LITAF: variants seen among roughly 807,000 people sequenced by gnomAD.
The protein encoded by LITAF is lipopolysaccharide-induced tumor necrosis factor-alpha factor.
A neutral mutation model predicts 14.5 loss-of-function variants in LITAF; 9 were observed. That is an observed-to-expected ratio of 0.62 (90% CI 0.37 to 1.08). LITAF has a LOEUF of 1.08. Among genes scored for constraint, LITAF ranks in the 50% least tolerant of loss-of-function variants. The probability of loss-of-function intolerance (pLI) is 0.01; values close to 1 mark genes in which losing one functional copy is unlikely to be tolerated. For missense variants in LITAF, 206 were observed against 213.4 expected (o/e 0.97, Z 0.22); for synonymous variants, 98 against 88.2 (o/e 1.11, Z -0.62).
intron 2 of LITAF, among the ~76,000 whole-genome samples, chr16:11,555,938 C>T (rs1472295151): frequency 1.3e-5 from 2 of 152,146 alleles, no homozygotes; most frequent in East Asian, 1.9e-4. Context: ...GTCTGATTCA[C>T]GGGCCCCCTC....
intron 3 of LITAF, among the ~76,000 whole-genome samples, chr16:11,604,494 G>A (rs2064944287): frequency 6.6e-6 from 1 of 151,966 alleles, no homozygotes; most frequent in Non-Finnish European, 1.5e-5. Flanking sequence ...GCTGGATCCA[G>A]GAGCACAAAT....
intron 1 of LITAF, among the ~76,000 whole-genome samples, chr16:11,565,335 A>T (rs1447928462): frequency 6.6e-6 from 1 of 151,656 alleles, no homozygotes. Context: ...CACCTGCCTC[A>T]GCCGCCCAAA....
Position 11,630,090 on chromosome 16 carries a change from C to T in LITAF, c.85+3443G>A, listed in dbSNP as rs1216856378. On this transcript the variant is annotated intron_variant, in intron 3 of 3. Transcript: ENST00000574848. ...TTGCTCCTTCTCATCAAGTGCAAGG[C>T]GGGCACACAGGACCCCGGAAGAACG... 7.2e-5 allele frequency among the ~76,000 whole-genome samples: 11 copies of T among 152,140 alleles called. 1 individual carries two copies. The highest frequency in any genetic ancestry group is 5.2e-4 in the Admixed American group (8 of 15,264).
intron 3 of LITAF, among the ~76,000 whole-genome samples, chr16:11,630,202 C>T (rs1388686044): frequency 1.3e-5 from 2 of 152,168 alleles, no homozygotes; most frequent in Non-Finnish European, 2.9e-5. Context: ...GCTTCCCCAA[C>T]TTCCCCTCCT....
At chr16:11,565,649 C>T (rs1203662428) in intron 1 of LITAF, among the ~76,000 whole-genome samples, 6 of 151,960 alleles carry the variant, frequency 3.9e-5, no homozygotes, top group East Asian at 1.9e-4. Context: ...CTCCCTGCTC[C>T]GGGTTTGTGG....
chr16:11,611,511 C>A (rs1312138650), intron 3 of LITAF, among the ~76,000 whole-genome samples: 2 of 152,162 alleles, frequency 1.3e-5, no homozygotes, highest in Non-Finnish European at 2.9e-5. Context: ...TTTACTAAAT[C>A]TAGCAGCCTT....
At position 11,605,226 on chromosome 16, in the gene LITAF, C is replaced by T. The variant is rs1051368546; in HGVS notation, c.85+28307G>A. 1.3e-5 allele frequency among the ~76,000 whole-genome samples: 2 copies of T among 152,166 alleles called. No homozygotes were observed. Among genetic ancestry groups the T allele is most frequent in the Non-Finnish European group, 2.9e-5 (2 of 68,026 alleles). The stretch of plus-strand genomic sequence containing the variant: ...TCTGGATGGAGGATGAGCTGAATTA[C>T]GCACCGTGGACTTCACCAGTGGGGC... On this transcript the variant is annotated intron_variant, in intron 3 of 3. Coordinates refer to the LITAF transcript ENST00000574848. This position sits in a 1 kb window ranked among gnomAD's most constrained non-coding sequence, Gnocchi z 4.7.
At chr16:11,563,652 C>T (rs889588145) in intron 1 of LITAF, among the ~76,000 whole-genome samples, 1 of 152,050 alleles carries the variant, frequency 6.6e-6, no homozygotes, top group South Asian at 2.1e-4. Flanking sequence ...TGTCACTGGG[C>T]ACCTTGCAAT....
At position 11,553,319 on chromosome 16, in the gene LITAF, G is replaced by T. The variant is rs1246933481; in HGVS notation, c.377+214C>A. 3.6e-6 allele frequency: 2 copies of T among 559,748 alleles called. No homozygotes were observed. Among genetic ancestry groups the T allele is most frequent in the African/African-American group, 3.8e-5 (2 of 52,978 alleles). The allele number at this position is 559,748 out of a possible 1,614,324, so 34.7% of individuals were successfully genotyped here. A position where few individuals can be genotyped will look rare whatever the true frequency, so the allele number is the denominator to read the frequency against. On this transcript the variant is annotated intron_variant, in intron 3 of 3. Transcript: ENST00000622633. This position sits in a 1 kb window ranked among gnomAD's most constrained non-coding sequence, Gnocchi z 7.7. ...CCAGCTACACGGGACGCTAAGGCAG[G>T]AGAATCGTTTGAACCTGAGCAGTGG...
At chr16:11,569,984 C>T (rs1483028591) in intron 1 of LITAF, among the ~76,000 whole-genome samples, 1 of 150,704 alleles carries the variant, frequency 6.6e-6, no homozygotes, top group African/African-American at 2.5e-5. Context: ...TGAGACGAGA[C>T]GCACTGCTGC....
chr16:11,587,506 C>T (rs1178123585), upstream of LITAF: 3 of 452,370 alleles, frequency 6.6e-6, no homozygotes, highest in African/African-American at 2.0e-5. Context: ...GGCACAATAG[C>T]GGTCCTGTCT....
chr16:11,550,321 C>A (rs1276453154), intron 3 of LITAF, among the ~76,000 whole-genome samples: 2 of 152,122 alleles, frequency 1.3e-5, no homozygotes, highest in Non-Finnish European at 2.9e-5. Context: ...AACTCCTGAC[C>A]TCAAGTGATC....
intron 1 of LITAF, among the ~76,000 whole-genome samples, chr16:11,569,264 G>T (rs2064505013): frequency 2.0e-5 from 3 of 152,002 alleles, no homozygotes; most frequent in Admixed American, 2.0e-4. Context: ...TTTTTGAGAA[G>T]GAATCTCACT....
Position 11,594,654 on chromosome 16 carries a change from T to A in LITAF, c.-6+3734A>T, listed in dbSNP as rs2064870754. The stretch of plus-strand genomic sequence containing the variant: ...ACTTTAGGAGGCTGAGGCAGGTGGA[T>A]CGCTTGAGGCTAAGAGTTTGAGACC... On this transcript the variant is annotated intron_variant, in intron 1 of 3. Coordinates refer to the LITAF transcript ENST00000571627. Among the ~76,000 whole-genome samples, 4 of 152,274 alleles carry A rather than the reference T, an allele frequency of 2.6e-5. No homozygotes were observed. In the South Asian group the frequency reaches 8.3e-4, roughly 32 times the overall value.
intron 1 of LITAF, among the ~76,000 whole-genome samples, chr16:11,563,131 CA>C (rs1567240909): frequency 6.8e-6 from 1 of 147,162 alleles, no homozygotes; most frequent in Admixed American, 7.2e-5. Context: ...CATATCTCTA[CA>C]CAAAAAAATT....
chr16:11,570,140 A>G (rs1199037111), intron 1 of LITAF, among the ~76,000 whole-genome samples: 1 of 151,728 alleles, frequency 6.6e-6, no homozygotes, highest in Non-Finnish European at 1.5e-5. Flanking sequence ...TGCCACTTCT[A>G]CGGTGTGCAA....
intron 1 of LITAF, among the ~76,000 whole-genome samples, chr16:11,592,828 G>C (rs1420219909): frequency 6.6e-6 from 1 of 152,070 alleles, no homozygotes; most frequent in Non-Finnish European, 1.5e-5. Flanking sequence ...TTGAGGTCAG[G>C]AGTTTGAGAC....
At chr16:11,623,357 A>G (rs2065062958) in intron 3 of LITAF, among the ~76,000 whole-genome samples, 1 of 151,966 alleles carries the variant, frequency 6.6e-6, no homozygotes, top group Non-Finnish European at 1.5e-5. Context: ...AGGAGCACAA[A>G]TGCCATCATC....
chr16:11,616,456 T>C (rs2065020326), intron 3 of LITAF, among the ~76,000 whole-genome samples: 1 of 147,734 alleles, frequency 6.8e-6, no homozygotes, highest in South Asian at 2.1e-4. Context: ...CAGCCATGGG[T>C]GACAGGGTGA....
Sources: gnomAD v4.1 joint callset for allele counts (sites outside exome capture counted in the v4.1 genomes callset) on GRCh38, gnomAD v4.1.1 for gene constraint, Gnocchi (gnomAD v3.1) non-coding constraint, MANE v1.5 for transcripts, NCBI Gene and HGNC (gene_info 2026-07-23, HGNC 2026-07-21) for gene names.